XPO1: variants seen among roughly 807,000 people sequenced by gnomAD.
XPO1 encodes the protein exportin 1.
Under a neutral mutation model 133.3 loss-of-function variants are expected in XPO1, and 5 were observed. That is an observed-to-expected ratio of 0.04 (90% CI 0.02 to 0.08). The LOEUF (loss-of-function observed/expected upper bound fraction) is 0.08. XPO1 is among the 10% of genes least tolerant of loss of function. The pLI is 1.00. For synonymous variants in XPO1, 419 were observed against 408.2 expected (o/e 1.03, Z -0.32); for missense variants, 506 against 1,267.5 (o/e 0.40, Z 9.12).
intron 1 of XPO1, among the ~76,000 whole-genome samples, chr2:61,535,647 T>C (rs1455521532): frequency 1.3e-5 from 2 of 152,206 alleles, no homozygotes; most frequent in East Asian, 3.8e-4. Context: ...GAGTCACCTA[T>C]GATTGATATG....
chr2:61,514,521 A>C (rs1223965375), intron 4 of XPO1, among the ~76,000 whole-genome samples: 1 of 151,786 alleles, frequency 6.6e-6, no homozygotes, highest in African/African-American at 2.4e-5. Flanking sequence ...TGAACCCGGG[A>C]AACAGAGGTT....
chr2:61,496,702 A>C (rs1438222464), intron 10 of XPO1, among the ~76,000 whole-genome samples, 177 bp downstream of exon 10: 1 of 152,194 alleles, frequency 6.6e-6, no homozygotes, highest in African/African-American at 2.4e-5. Flanking sequence ...CCAAACCTGA[A>C]TTTTAAGAAA....
intron 4 of XPO1, among the ~76,000 whole-genome samples, chr2:61,511,933 AT>A (rs929370835): frequency 2.6e-5 from 4 of 151,342 alleles, no homozygotes; most frequent in South Asian, 2.1e-4. Context: ...TGCCCGGCTA[AT>A]TTTTTTTGTA....
Position 61,492,880 on chromosome 2 carries a change from ATAAAGG to A in XPO1, c.1384+29_1384+34del. Reference sequence around the variant, plus strand: ...TGTATTTCCACCCCAGAATAGATTTATAAAGGTAAAGATTAACAGTATTTATTAACT... The same window carrying A: ...TGTATTTCCACCCCAGAATAGATTTATAAAGATTAACAGTATTTATTAACT... On this transcript the variant is annotated intron_variant, in intron 13 of 24. Transcript: ENST00000401558. This position sits in a 1 kb window ranked among gnomAD's most constrained non-coding sequence, Gnocchi z 5.6. 1 of 1,572,828 alleles carries A rather than the reference ATAAAGG, an allele frequency of 6.4e-7. No homozygotes were observed. The highest frequency in any genetic ancestry group is 1.4e-5 in the African/African-American group (1 of 73,266).
At chr2:61,511,041 TGGAA>T (rs1266603416) in intron 4 of XPO1, among the ~76,000 whole-genome samples, 1 of 151,910 alleles carries the variant, frequency 6.6e-6, no homozygotes, top group Non-Finnish European at 1.5e-5. Context: ...TCAAAATACT[TGGAA>T]TGGGGCAAAT....
In XPO1 at chr2:61,478,705, GC is replaced by G; in HGVS notation, c.*114del. ...TACAAAAAAACACATAAGAAAAAGG[GC>G]CACTAGGTGACATTTTAATTTACAA... On this transcript the variant is annotated 3_prime_UTR_variant, in exon 25 of 25. Coordinates refer to ENST00000401558, the MANE Select transcript of XPO1 (RefSeq NM_003400.4). The G allele has an allele frequency of 9.7e-7, 1 of 1,030,016 alleles. No homozygotes were observed. Among genetic ancestry groups the G allele is most frequent in the East Asian group, 2.7e-5 (1 of 37,240 alleles). The allele number at this position is 1,030,016 out of a possible 1,614,324, so 63.8% of individuals were successfully genotyped here. A position where few individuals can be genotyped will look rare whatever the true frequency, so the allele number is the denominator to read the frequency against.
chr2:61,504,225 C>A (rs994220663), intron 4 of XPO1, among the ~76,000 whole-genome samples: 10 of 152,150 alleles, frequency 6.6e-5, no homozygotes, highest in African/African-American at 2.2e-4. Flanking sequence ...AAAACCTACT[C>A]TTTAAACAGT....
intron 1 of XPO1, chr2:61,537,157 T>C (rs1699388980): frequency 6.6e-6 from 1 of 151,996 alleles, no homozygotes; most frequent in Non-Finnish European, 1.5e-5. Context: ...TCAATGCTGC[T>C]GCACTAAATA....
At chr2:61,519,698 C>CAAAAAAAA (rs753424450) in intron 4 of XPO1, among the ~76,000 whole-genome samples, 17 of 72,752 alleles carry the variant, frequency 2.3e-4, no homozygotes, top group African/African-American at 7.4e-4. Context: ...GACTCCGTCT[C>CAAAAAAAA]AAAAAAAAAA....
chr2:61,524,748 T>G (rs1573215093), intron 3 of XPO1, among the ~76,000 whole-genome samples: 1 of 152,090 alleles, frequency 6.6e-6, no homozygotes, highest in Non-Finnish European at 1.5e-5. Flanking sequence ...GAGACCCCAC[T>G]TCTATAAAAA....
At chr2:61,481,957 G>C (rs1346125255) in intron 23 of XPO1, among the ~76,000 whole-genome samples, 1 of 146,514 alleles carries the variant, frequency 6.8e-6, no homozygotes, top group Non-Finnish European at 1.5e-5. Context: ...GGCTGGTCTT[G>C]AACTCCTGAC....
intron 9 of XPO1, among the ~76,000 whole-genome samples, chr2:61,498,159 C>T (rs1481481960): frequency 5.9e-5 from 9 of 152,160 alleles, no homozygotes; most frequent in Admixed American, 2.0e-4. Context: ...TGCAGTGGCA[C>T]GATCTTGGCT....
At chr2:61,508,423 G>A (rs913758853) in intron 4 of XPO1, among the ~76,000 whole-genome samples, 1 of 152,044 alleles carries the variant, frequency 6.6e-6, no homozygotes. Context: ...TCAATATAAA[G>A]AAAAATGTGT....
intron 21 of XPO1, 24 bp downstream of exon 21, chr2:61,483,913 A>C: frequency 6.2e-7 from 1 of 1,607,492 alleles, no homozygotes; most frequent in Non-Finnish European, 8.5e-7. Context: ...CAGGCAAATG[A>C]ATAAAAGAAC....
In XPO1 at chr2:61,477,887, T is replaced by C. The variant is rs1457133730; in HGVS notation, c.*933A>G. ...ATGTTACTTGATGCTTAAACACAAA[T>C]ACCCACTATCATTAATATAGGAATA... On this transcript the variant is annotated 3_prime_UTR_variant, in exon 25 of 25. Transcript: ENST00000401558. 1 of 205,742 alleles carries C rather than the reference T, an allele frequency of 4.9e-6. No individual in the cohort carries two copies. The highest frequency in any genetic ancestry group is 2.3e-5 in the African/African-American group (1 of 43,790). The allele number at this position is 205,742 out of a possible 1,614,324, so 12.7% of individuals were successfully genotyped here. A position where few individuals can be genotyped will look rare whatever the true frequency, so the allele number is the denominator to read the frequency against.
chr2:61,481,166 A>G lies in XPO1; in HGVS notation c.3069+19T>C, dbSNP rs1696331601. On this transcript the variant is annotated intron_variant, in intron 24 of 24. Transcript: ENST00000401558. ...CACATCTACCCCTAATATTTCTGCA[A>G]GAGCAAATAAATACATACCTTTATT... 1 of 1,552,848 alleles carries G rather than the reference A, an allele frequency of 6.4e-7. No homozygotes were observed.
intron 16 of XPO1, among the ~76,000 whole-genome samples, chr2:61,491,321 C>T (rs1045763477): frequency 1.3e-5 from 2 of 151,598 alleles, no homozygotes; most frequent in African/African-American, 4.9e-5. Context: ...ATTAGCTGGG[C>T]GTGGTGGCAA....
intron 23 of XPO1, among the ~76,000 whole-genome samples, chr2:61,482,043 T>TC (rs1696395975): frequency 4.0e-5 from 1 of 24,924 alleles, no homozygotes; most frequent in East Asian, 1.1e-3. Context: ...CCTTTTTTTT[T>TC]TTTTTTTTTT....
At chr2:61,486,100 T>G in intron 19 of XPO1, 138 bp from the exon 20 acceptor site, 2 of 802,452 alleles carry the variant, frequency 2.5e-6, no homozygotes, top group Admixed American at 3.2e-5. Context: ...GTATTAGGGT[T>G]TCCTACGTCA....
Sources: allele counts gnomAD v4.1 joint callset (sites outside exome capture counted in the v4.1 genomes callset), GRCh38; gene constraint gnomAD v4.1.1; non-coding constraint Gnocchi (gnomAD v3.1); transcripts MANE v1.5; gene names NCBI Gene and HGNC (gene_info 2026-07-23, HGNC 2026-07-21).